The following COL5A2 variants were observed in gnomAD, a reference collection of about 807,000 sequenced individuals.
COL5A2 encodes collagen type V alpha 2 chain, also known as collagen alpha-2(V) chain.
In COL5A2, 23 loss-of-function variants were observed where a neutral mutation model predicts 208.2. That is an observed-to-expected ratio of 0.11 (90% CI 0.08 to 0.16). The LOEUF is 0.16. Ranked by LOEUF, COL5A2 falls within the 10% of genes least tolerant of loss-of-function variation. The pLI is 1.00. For synonymous variants in COL5A2, 625 were observed against 628.5 expected (o/e 0.99, Z 0.08); for missense variants, 1,590 against 1,956.4 (o/e 0.81, Z 3.53).
chr2:189,088,339 C>T (rs556968072), intron 8 of COL5A2, among the ~76,000 whole-genome samples: 1 of 152,208 alleles, frequency 6.6e-6, no homozygotes, highest in South Asian at 2.1e-4. Context: ...TTTTACCAAA[C>T]CACTGTTTCT....
chr2:189,415,345 C>G, the COL5A2 span, among the ~76,000 whole-genome samples: 2 of 151,942 alleles, frequency 1.3e-5, no homozygotes, highest in African/African-American at 4.8e-5. Flanking sequence ...TTTTCTTGAA[C>G]CGTGGTCAGT....
At chr2:189,439,631 T>C in the COL5A2 span, among the ~76,000 whole-genome samples, 2 of 152,360 alleles carry the variant, frequency 1.3e-5, no homozygotes, top group South Asian at 4.1e-4. Flanking sequence ...GTAGGTGGGA[T>C]TGGTTCCTTA....
chr2:189,240,532 G>A, the COL5A2 span, among the ~76,000 whole-genome samples: 1 of 152,178 alleles, frequency 6.6e-6, no homozygotes, highest in South Asian at 2.1e-4. Context: ...GTAGCAGACA[G>A]TAATGTTTAA....
chr2:189,364,347 A>G, the COL5A2 span, among the ~76,000 whole-genome samples: 1 of 152,304 alleles, frequency 6.6e-6, no homozygotes, highest in South Asian at 2.1e-4. Flanking sequence ...CTCTCCCTAC[A>G]TATAGAATAT....
chr2:189,109,120 T>G (rs1420783545), intron 2 of COL5A2, among the ~76,000 whole-genome samples: 2 of 151,986 alleles, frequency 1.3e-5, no homozygotes, highest in Admixed American at 1.3e-4. Context: ...AATTGCCAGC[T>G]CCTAGACCAA....
the COL5A2 span, among the ~76,000 whole-genome samples, chr2:189,255,687 T>C: frequency 2.0e-5 from 3 of 152,154 alleles, no homozygotes; most frequent in African/African-American, 7.2e-5. Context: ...ATAATAAATA[T>C]AAGCCCCCTC....
chr2:189,149,002 G>A (rs568354045), intron 1 of COL5A2, among the ~76,000 whole-genome samples: 9 of 152,222 alleles, frequency 5.9e-5, no homozygotes, highest in East Asian at 1.9e-4. Flanking sequence ...TTAATTGGGC[G>A]TGGTGGCATG....
chr2:189,133,933 C>T (rs1228269284), intron 1 of COL5A2, among the ~76,000 whole-genome samples: 2 of 152,072 alleles, frequency 1.3e-5, no homozygotes, highest in Non-Finnish European at 2.9e-5. Context: ...CGCTGCCACA[C>T]CCTCTGCTTG....
chr2:189,173,101 G>C (rs1559136241), intron 1 of COL5A2, among the ~76,000 whole-genome samples: 1 of 150,870 alleles, frequency 6.6e-6, no homozygotes, highest in Non-Finnish European at 1.5e-5. Flanking sequence ...CTCCCGAGTA[G>C]CTTGAATTAC....
At chr2:189,394,373 C>T in the COL5A2 span, among the ~76,000 whole-genome samples, 4 of 151,906 alleles carry the variant, frequency 2.6e-5, no homozygotes, top group Admixed American at 1.3e-4. Context: ...AGGTTGAAAA[C>T]CCTAATACCC....
At chr2:189,101,596 T>C (rs1687047492) in intron 3 of COL5A2, among the ~76,000 whole-genome samples, 1 of 152,144 alleles carries the variant, frequency 6.6e-6, no homozygotes, top group South Asian at 2.1e-4. Context: ...TTTTAAGTTT[T>C]TAACCCATAT....
At chr2:189,276,325 T>A in the COL5A2 span, among the ~76,000 whole-genome samples, 1 of 152,156 alleles carries the variant, frequency 6.6e-6, no homozygotes, top group African/African-American at 2.4e-5. Flanking sequence ...GGGCTTTTAT[T>A]CACTATGTGT....
rs1237062980 is a variant in COL5A2 at position 189,041,571 on chromosome 2, C to G, written c.3633+15G>C. Reference sequence around the variant, plus strand: ...ATAAATAGCATTTCTTGCATGTAAACCTTTGTGACTTTACCTCAGGTCCTG... The same window carrying G: ...ATAAATAGCATTTCTTGCATGTAAAGCTTTGTGACTTTACCTCAGGTCCTG... On this transcript the variant is annotated intron_variant, in intron 50 of 53. Coordinates refer to ENST00000374866, the MANE Select transcript of COL5A2 (RefSeq NM_000393.5). 1 of 1,575,596 alleles carries G rather than the reference C, an allele frequency of 6.3e-7. No homozygotes were observed. The highest frequency in any genetic ancestry group is 1.3e-5 in the African/African-American group (1 of 74,080).
At chr2:189,078,654 G>A (rs934920064) in intron 15 of COL5A2, 85 bp from the exon 16 acceptor site, 20 of 1,105,730 alleles carry the variant, frequency 1.8e-5, no homozygotes, top group Non-Finnish European at 2.4e-5. Context: ...ATCCAATTGA[G>A]ATTCAAGATA....
chr2:189,251,095 T>G, the COL5A2 span, among the ~76,000 whole-genome samples: 11 of 152,132 alleles, frequency 7.2e-5, no homozygotes, highest in Admixed American at 3.3e-4. Flanking sequence ...TGTGAGCAAG[T>G]GTAGAAACAG....
At chr2:189,065,186 T>A in intron 23 of COL5A2, 129 bp from the exon 24 acceptor site, 1 of 816,660 alleles carries the variant, frequency 1.2e-6, no homozygotes, top group South Asian at 1.5e-5. Context: ...GCTATAGATA[T>A]GCATGAGAAA....
At chr2:189,293,894 G>A in the COL5A2 span, among the ~76,000 whole-genome samples, 9 of 152,250 alleles carry the variant, frequency 5.9e-5, no homozygotes, top group African/African-American at 1.9e-4. Context: ...AACCATCCTG[G>A]CTAACACGGT....
chr2:189,083,866 A>C, intron 12 of COL5A2, 118 bp downstream of exon 12: 1 of 798,676 alleles, frequency 1.3e-6, no homozygotes, highest in South Asian at 1.5e-5. Context: ...TACGGAAACA[A>C]ACAATGCTGT....
At chr2:189,153,582 G>A (rs1688187379) in intron 1 of COL5A2, among the ~76,000 whole-genome samples, 1 of 152,214 alleles carries the variant, frequency 6.6e-6, no homozygotes, top group South Asian at 2.1e-4. Flanking sequence ...ACAGGAAAGT[G>A]TAAGTGGGGT....
Sources: allele counts gnomAD v4.1 joint callset (sites outside exome capture counted in the v4.1 genomes callset), GRCh38; gene constraint gnomAD v4.1.1; transcripts MANE v1.5; gene names NCBI Gene and HGNC (gene_info 2026-07-23, HGNC 2026-07-21).